PTK2B: variants seen among roughly 807,000 people sequenced by gnomAD.
The protein encoded by PTK2B is protein-tyrosine kinase 2-beta.
In PTK2B, 71 loss-of-function variants were observed where a neutral mutation model predicts 142.9. That is an observed-to-expected ratio of 0.50 (90% CI 0.41 to 0.61). The LOEUF is 0.61. Ranked by LOEUF, PTK2B falls within the 20% of genes least tolerant of loss-of-function variation. The pLI is 0.00. For missense variants in PTK2B, 1,105 were observed against 1,320.4 expected (o/e 0.84, Z 2.53); for synonymous variants, 519 against 503.4 (o/e 1.03, Z -0.42).
At chr8:27,431,512 G>A (rs1269553760) in intron 9 of PTK2B, 40 bp downstream of exon 9, 2 of 1,611,784 alleles carry the variant, frequency 1.2e-6, no homozygotes, top group Non-Finnish European at 1.7e-6. Context: ...CCCCAGGCGG[G>A]GAGGTCGTCC....
At chr8:27,362,008 A>G (rs890087271) in intron 1 of PTK2B, among the ~76,000 whole-genome samples, 1 of 152,168 alleles carries the variant, frequency 6.6e-6, no homozygotes, top group Non-Finnish European at 1.5e-5. Flanking sequence ...GCCCTGTCTG[A>G]TGTTTACTAA....
At chr8:27,433,649 A>G in intron 11 of PTK2B, 97 bp downstream of exon 11, 6 of 1,042,914 alleles carry the variant, frequency 5.8e-6, no homozygotes, top group Non-Finnish European at 8.7e-6. Flanking sequence ...CTGATGGATA[A>G]GTGAATGAGG....
intron 1 of PTK2B, among the ~76,000 whole-genome samples, chr8:27,391,839 C>A (rs1055346086): frequency 6.6e-6 from 1 of 152,228 alleles, no homozygotes; most frequent in African/African-American, 2.4e-5. Context: ...GAGCCCATTT[C>A]TTGTGTTTGT....
chr8:27,322,764 C>T (rs1803249358), upstream of PTK2B: 1 of 152,206 alleles, frequency 6.6e-6, no homozygotes, highest in Non-Finnish European at 1.5e-5. Flanking sequence ...GAAACCTGCT[C>T]TACTGGCTAT....
intron 14 of PTK2B, 85 bp from the exon 15 acceptor site, chr8:27,436,166 T>A: frequency 7.6e-7 from 1 of 1,322,356 alleles, no homozygotes; most frequent in Non-Finnish European, 1.1e-6. Flanking sequence ...TGGTGACGCC[T>A]GGCTTTAGAG....
At chr8:27,321,264 T>G (rs1244104636), upstream of PTK2B, among the ~76,000 whole-genome samples, 1 of 152,062 alleles carries the variant, frequency 6.6e-6, no homozygotes, top group Non-Finnish European at 1.5e-5. Flanking sequence ...TCAAAGTGTT[T>G]GGATTATAGG....
chr8:27,312,524 T>G (rs1563450625), intron 2 of PTK2B: 1 of 152,168 alleles, frequency 6.6e-6, no homozygotes, highest in Non-Finnish European at 1.5e-5. Context: ...GTTAGTATTA[T>G]CCTTTGTCTC....
chr8:27,328,624 G>A (rs1367334296), intron 1 of PTK2B, among the ~76,000 whole-genome samples: 2 of 152,204 alleles, frequency 1.3e-5, no homozygotes, highest in Admixed American at 6.5e-5. Context: ...GGATAGAGGT[G>A]TTCCACTGAT....
intron 1 of PTK2B, among the ~76,000 whole-genome samples, chr8:27,396,480 A>G (rs920239891): frequency 2.6e-5 from 4 of 152,192 alleles, no homozygotes; most frequent in African/African-American, 9.7e-5. Flanking sequence ...GTGGTTTCCA[A>G]CCCAGGCCAA....
At chr8:27,331,392 C>A (rs1285117804) in intron 1 of PTK2B, among the ~76,000 whole-genome samples, 1 of 152,124 alleles carries the variant, frequency 6.6e-6, no homozygotes, top group Non-Finnish European at 1.5e-5. Flanking sequence ...TCCCTTCTCA[C>A]CTTTCTCACC....
At chr8:27,394,340 A>G (rs113966700) in intron 1 of PTK2B, among the ~76,000 whole-genome samples, 2,290 of 152,292 alleles carry the variant, frequency 0.015, 68 homozygotes, top group African/African-American at 0.053. Context: ...GGTATAGCAC[A>G]TGGCTCCTAC....
At chr8:27,415,664 C>T (rs756190941) in intron 2 of PTK2B, among the ~76,000 whole-genome samples, 6 of 152,148 alleles carry the variant, frequency 3.9e-5, no homozygotes, top group Admixed American at 1.3e-4. Flanking sequence ...AATCTGCAGC[C>T]TTACTAGCTT....
In PTK2B at chr8:27,459,344, CT is replaced by C. The variant is rs1215233771; in HGVS notation, c.*838del. ...GTTTGCATAAACATTCTTTTAACTTCTTTCTATTTGACTTGTGGTTGAATTA... is the reference window on the plus strand; with the variant it reads ...GTTTGCATAAACATTCTTTTAACTTCTTCTATTTGACTTGTGGTTGAATTA... On this transcript the variant is annotated 3_prime_UTR_variant, in exon 31 of 31. Transcript: ENST00000346049. 4.3e-6 allele frequency: 1 copy of C among 233,158 alleles called. No individual in the cohort carries two copies. Among genetic ancestry groups the C allele is most frequent in the African/African-American group, 2.2e-5 (1 of 45,342 alleles). 14.4% of individuals were successfully genotyped at this position (233,158 alleles called of 1,614,324 possible). A position where few individuals can be genotyped will look rare whatever the true frequency, so the allele number is the denominator to read the frequency against.
rs140445295 is a variant in PTK2B at position 27,320,429 on chromosome 8, C to T, written c.-413-1973C>T. Among the ~76,000 whole-genome samples, 432 of 152,272 alleles carry T rather than the reference C, an allele frequency of 2.8e-3. 5 individuals carry two copies. The highest frequency in any genetic ancestry group is 9.2e-3 in the African/African-American group (384 of 41,554). ...CCACAGGACTGCCCCAACTCCCCAC[C>T]CTGCCACCCCGCTCCAGCTTCAGAT... On this transcript the variant is annotated intron_variant, in intron 3 of 35. Transcript: ENST00000397501.
At chr8:27,422,258 G>T in intron 4 of PTK2B, 46 bp from the exon 5 acceptor site, 1 of 1,571,070 alleles carries the variant, frequency 6.4e-7, no homozygotes, top group Non-Finnish European at 8.7e-7. Flanking sequence ...GCAGGGAAGT[G>T]GGAGGTGAGG....
chr8:27,365,551 A>G (rs893642567), intron 1 of PTK2B, among the ~76,000 whole-genome samples: 1 of 152,222 alleles, frequency 6.6e-6, no homozygotes, highest in African/African-American at 2.4e-5. Context: ...AATAGGAAAC[A>G]GATCTGCCAT....
At chr8:27,445,553 T>C (rs1811415623) in intron 23 of PTK2B, among the ~76,000 whole-genome samples, 1 of 152,202 alleles carries the variant, frequency 6.6e-6, no homozygotes, top group South Asian at 2.1e-4. Context: ...GTAACCAGCA[T>C]GGACCCCACT....
In PTK2B at chr8:27,437,689, G is replaced by T. The variant is rs1013950843; in HGVS notation, c.1528-76G>T. The T allele has an allele frequency of 4.3e-5, 62 of 1,432,748 alleles. No homozygotes were observed. The African/African-American group carries it at 8.6e-4, about 20-fold the overall frequency. 88.8% of individuals were successfully genotyped at this position (1,432,748 alleles called of 1,614,324 possible). A position where few individuals can be genotyped will look rare whatever the true frequency, so the allele number is the denominator to read the frequency against. On this transcript the variant is annotated intron_variant, in intron 17 of 30. Transcript: ENST00000346049. ...CACCGCCCCCAGGGAAGGGTCAGGG[G>T]TTGCCAGCACCCTGGTCCCCTGGCT...
intron 1 of PTK2B, among the ~76,000 whole-genome samples, chr8:27,371,234 T>C (rs1172658632): frequency 1.3e-5 from 2 of 151,944 alleles, no homozygotes; most frequent in African/African-American, 4.8e-5. Flanking sequence ...TGTCCAGGAG[T>C]AAAGCTGTCA....
Sources: gnomAD v4.1 joint callset for allele counts (sites outside exome capture counted in the v4.1 genomes callset) on GRCh38, gnomAD v4.1.1 for gene constraint, MANE v1.5 for transcripts, NCBI Gene and HGNC (gene_info 2026-07-23, HGNC 2026-07-21) for gene names.